DMXL2: variants seen among roughly 807,000 people sequenced by gnomAD.
DMXL2 encodes dmX-like protein 2.
A neutral mutation model predicts 331.1 loss-of-function variants in DMXL2; 103 were observed. The observed-to-expected ratio is 0.31, with a 90% CI of 0.27 to 0.37. The LOEUF is 0.37. Among genes scored for constraint, DMXL2 ranks in the 10% least tolerant of loss-of-function variants. The pLI, the probability that DMXL2 is intolerant of heterozygous loss-of-function variation, is 1.00. For missense variants in DMXL2, 3,171 were observed against 3,642.9 expected (o/e 0.87, Z 3.33); for synonymous variants, 1,281 against 1,252.1 (o/e 1.02, Z -0.49).
chr15:51,493,247 C>T (rs1399576630), intron 19 of DMXL2, among the ~76,000 whole-genome samples: 2 of 151,866 alleles, frequency 1.3e-5, no homozygotes, highest in African/African-American at 4.8e-5. Flanking sequence ...AACTAATATA[C>T]GGCAACACAA....
intron 5 of DMXL2, 23 bp downstream of exon 5, chr15:51,564,102 T>C (rs769183132): frequency 2.5e-6 from 4 of 1,573,666 alleles, no homozygotes; most frequent in East Asian, 2.3e-5. Flanking sequence ...TTAATGAATA[T>C]AACAATAGAA....
chr15:51,515,016 C>T (rs947305242), intron 14 of DMXL2, among the ~76,000 whole-genome samples: 1 of 152,006 alleles, frequency 6.6e-6, no homozygotes. Context: ...AAAAACAAAA[C>T]AAAACCCAGA....
intron 33 of DMXL2, chr15:51,463,157 T>C: frequency 2.9e-6 from 1 of 349,414 alleles, no homozygotes; most frequent in Non-Finnish European, 5.2e-6. Context: ...GTACCAACTT[T>C]CACTTGAATA....
At chr15:51,606,080 A>G (rs1595728245) in intron 1 of DMXL2, among the ~76,000 whole-genome samples, 1 of 152,202 alleles carries the variant, frequency 6.6e-6, no homozygotes, top group African/African-American at 2.4e-5. Flanking sequence ...AAAGTGCTCC[A>G]TCTGACAAAA....
In DMXL2 at chr15:51,479,967, G is replaced by C. The variant is rs2041891327; in HGVS notation, c.6737C>G (p.Pro2246Arg). 1 of 1,516,830 alleles carries C rather than the reference G, an allele frequency of 6.6e-7. No individual in the cohort carries two copies. Among genetic ancestry groups the C allele is most frequent in the Admixed American group, 1.8e-5 (1 of 54,962 alleles). The allele number at this position is 1,516,830 out of a possible 1,614,324, so 94.0% of individuals were successfully genotyped here. A position where few individuals can be genotyped will look rare whatever the true frequency, so the allele number is the denominator to read the frequency against. Residue 2246 changes from proline (P) to arginine (R), a missense_variant, in exon 25 of 44, where the codon CCC (proline) becomes CGC (arginine). Coordinates refer to ENST00000560891, the MANE Select transcript of DMXL2 (RefSeq NM_001378457.1). ...TIVQMKTPPH[P>R]SIEDVKVHTL... ...CATTACCTTCACATCTTCAATACTG[G>C]GATGAGGTGGTGTTTTCATCTGAAC... is the stretch of plus-strand genomic sequence containing the variant.
intron 13 of DMXL2, among the ~76,000 whole-genome samples, chr15:51,529,764 G>A (rs1269269078): frequency 6.6e-6 from 1 of 152,018 alleles, no homozygotes; most frequent in Non-Finnish European, 1.5e-5. Context: ...CTATGAGGCC[G>A]TATTACCTTG....
rs2043378022 is a variant in DMXL2 at position 51,498,918 on chromosome 15, C to T, written c.4306G>A (p.Ala1436Thr). The T allele has an allele frequency of 6.2e-7, 1 of 1,613,972 alleles. No homozygotes were observed. Among genetic ancestry groups the T allele is most frequent in the Non-Finnish European group, 8.5e-7 (1 of 1,180,016 alleles). Reference protein sequence around the residue: ...IPPLPLYALLAADQDTSYRIS... With the variant: ...IPPLPLYALLTADQDTSYRIS... ...CTGTAGGATGTATCTTGATCTGCAG[C>T]AAGTAATGCATATAGTGGTAGTGGA... Residue 1436 changes from alanine to threonine, a missense_variant, in exon 18 of 44, where the codon GCT becomes ACT. Coordinates refer to ENST00000560891, the MANE Select transcript of DMXL2 (RefSeq NM_001378457.1).
At chr15:51,527,521 G>A (rs1353252755) in intron 13 of DMXL2, among the ~76,000 whole-genome samples, 1 of 152,142 alleles carries the variant, frequency 6.6e-6, no homozygotes, top group East Asian at 1.9e-4. Context: ...CTGAGTTCAG[G>A]AGTTCAAGAA....
chr15:51,563,982 G>A (rs1215543731), intron 5 of DMXL2, 143 bp downstream of exon 5: 1 of 764,290 alleles, frequency 1.3e-6, no homozygotes, highest in South Asian at 1.9e-5. Flanking sequence ...CTATTATATG[G>A]GTTTTGGTTA....
chr15:51,487,831 A>T, intron 22 of DMXL2, 123 bp downstream of exon 22: 1 of 783,210 alleles, frequency 1.3e-6, no homozygotes, highest in Non-Finnish European at 1.9e-6. Context: ...TTTTAAGTAC[A>T]GCAACCTCTG....
chr15:51,455,310 G>A, intron 39 of DMXL2, 82 bp from the exon 40 acceptor site: 1 of 1,132,444 alleles, frequency 8.8e-7, no homozygotes, highest in Middle Eastern at 1.9e-4. Context: ...ATTCACTAAG[G>A]CCCTACTAAA....
chr15:51,509,245 C>T (rs1422977960), intron 15 of DMXL2, among the ~76,000 whole-genome samples: 4 of 151,622 alleles, frequency 2.6e-5, no homozygotes, highest in Non-Finnish European at 5.9e-5. Flanking sequence ...ACAAAAAACC[C>T]TTCCAAAAAT....
chr15:51,499,067 T>A lies in DMXL2; in HGVS notation c.4157A>T (p.Asp1386Val). ...ATGTCGCTTAGTTCCTTCTCCAGCA[T>A]CAGGATCTCTAACTATTGCTACTTC... is the stretch of plus-strand genomic sequence containing the variant. ...AGEVAIVRDP[D>V]AGEGTKRHLS... Residue 1386 changes from aspartate (D) to valine (V), a missense_variant, in exon 18 of 44, where the codon GAT (aspartate) becomes GTT (valine). By Grantham distance (152) the Asp-to-Val change is radical (BLOSUM62 -3). Coordinates refer to ENST00000560891, the MANE Select transcript of DMXL2 (RefSeq NM_001378457.1). The A allele has an allele frequency of 6.2e-7, 1 of 1,614,036 alleles. No homozygotes were observed. Among genetic ancestry groups the A allele is most frequent in the African/African-American group, 1.3e-5 (1 of 75,062 alleles).
Position 51,565,138 on chromosome 15 carries a change from C to G in DMXL2, c.314G>C (p.Gly105Ala), listed in dbSNP as rs771518454. ...TGTCACAGAACTCAAAAAAAACTGCCCAGTTTTAAGCCACTGGCACTTGAG... is the reference window on the plus strand; with the variant it reads ...TGTCACAGAACTCAAAAAAAACTGCGCAGTTTTAAGCCACTGGCACTTGAG... ...CQLKCQWLKT[G>A]QFFLSSVTYN... Residue 105 changes from glycine (G) to alanine (A), a missense_variant, in exon 4 of 44, where the codon GGG (glycine) becomes GCG (alanine). Transcript: ENST00000560891. 1.3e-5 allele frequency: 20 copies of G among 1,583,848 alleles called. No individual in the cohort carries two copies. Among genetic ancestry groups the G allele is most frequent in the Non-Finnish European group, 3.4e-6 (4 of 1,166,814 alleles).
chr15:51,457,578 T>C (rs915200697), intron 36 of DMXL2, 112 bp from the exon 37 acceptor site: 7 of 1,295,764 alleles, frequency 5.4e-6, no homozygotes, highest in Non-Finnish European at 7.4e-6. Context: ...AAAAACTAAG[T>C]AGCCATGAGA....
At chr15:51,601,068 G>A (rs2053190739) in intron 1 of DMXL2, among the ~76,000 whole-genome samples, 1 of 152,056 alleles carries the variant, frequency 6.6e-6, no homozygotes, top group South Asian at 2.1e-4. Flanking sequence ...GAGGCGGGCG[G>A]ATCACAAGGT....
rs145536911 is a variant in DMXL2 at position 51,463,025 on chromosome 15, G to T, written c.7926+354C>A. 518 of 156,752 alleles carry T rather than the reference G, an allele frequency of 3.3e-3. 2 individuals carry two copies. Among genetic ancestry groups the T allele is most frequent in the South Asian group, 0.011 (56 of 5,254 alleles). The allele number at this position is 156,752 out of a possible 1,614,324, so 9.7% of individuals were successfully genotyped here. Reference sequence around the variant, plus strand: ...TAAGTAAAGAAAATGCTTTTAAAGGGCTATTTTATATTTTAAGTACATATT... The same window carrying T: ...TAAGTAAAGAAAATGCTTTTAAAGGTCTATTTTATATTTTAAGTACATATT... On this transcript the variant is annotated intron_variant, in intron 33 of 43. Coordinates refer to ENST00000560891, the MANE Select transcript of DMXL2 (RefSeq NM_001378457.1).
intron 1 of DMXL2, among the ~76,000 whole-genome samples, chr15:51,580,220 T>C (rs1307948995): frequency 2.0e-5 from 3 of 152,176 alleles, no homozygotes; most frequent in Non-Finnish European, 1.5e-5. Flanking sequence ...TGTTCCATTC[T>C]TTTTCAGAAT....
chr15:51,475,916 T>A (rs1343709199), intron 27 of DMXL2, among the ~76,000 whole-genome samples: 1 of 152,186 alleles, frequency 6.6e-6, no homozygotes, highest in Non-Finnish European at 1.5e-5. Flanking sequence ...AAGAAATGAA[T>A]GACAAAGCAA....
Sources: allele counts gnomAD v4.1 joint callset (sites outside exome capture counted in the v4.1 genomes callset), GRCh38; gene constraint gnomAD v4.1.1; transcripts MANE v1.5; gene names NCBI Gene and HGNC (gene_info 2026-07-23, HGNC 2026-07-21).